COG3: variants seen among roughly 807,000 people sequenced by gnomAD.
The protein encoded by COG3 is conserved oligomeric Golgi complex subunit 3.
A neutral mutation model predicts 114.1 loss-of-function variants in COG3; 32 were observed. The ratio of observed to expected loss-of-function variants is 0.28; its 90% CI spans 0.21 to 0.38. COG3 has a LOEUF of 0.38. COG3 is among the 10% of genes least tolerant of loss of function. COG3 has a pLI of 1.00. For synonymous variants in COG3, 352 were observed against 365.7 expected (o/e 0.96, Z 0.43); for missense variants, 813 against 973.2 (o/e 0.84, Z 2.19).
intron 20 of COG3, among the ~76,000 whole-genome samples, chr13:45,529,113 T>C (rs968195884): frequency 7.2e-5 from 11 of 152,176 alleles, no homozygotes; most frequent in African/African-American, 2.4e-4. Flanking sequence ...TTCATTTACA[T>C]TTATTTATGA....
At chr13:45,490,461 A>G (rs1193027944) in intron 8 of COG3, among the ~76,000 whole-genome samples, 1 of 152,164 alleles carries the variant, frequency 6.6e-6, no homozygotes, top group Non-Finnish European at 1.5e-5. Context: ...GATTCTTCAG[A>G]AACAACCTAG....
chr13:45,519,133 A>T (rs1237449851), intron 19 of COG3, 39 bp downstream of exon 19: 1 of 1,605,930 alleles, frequency 6.2e-7, no homozygotes, highest in Non-Finnish European at 8.5e-7. Flanking sequence ...GTCATTTTGC[A>T]TTCTTCCTTA....
At chr13:45,467,516 C>T (rs61953474) in intron 1 of COG3, among the ~76,000 whole-genome samples, 96,377 of 151,450 alleles carry the variant, frequency 0.64, 31,486 homozygotes, top group African/African-American at 0.79. Flanking sequence ...CACTTGAACC[C>T]AGAAGGCAGA....
intron 8 of COG3, among the ~76,000 whole-genome samples, chr13:45,489,322 A>G (rs536738221): frequency 6.8e-6 from 1 of 147,468 alleles, no homozygotes; most frequent in East Asian, 2.0e-4. Flanking sequence ...AATGGGAGAA[A>G]CTTAGTTTTG....
intron 19 of COG3, among the ~76,000 whole-genome samples, chr13:45,522,494 A>T (rs57765969): frequency 0.065 from 9,943 of 152,196 alleles, 836 homozygotes; most frequent in African/African-American, 0.2. Context: ...ACCTGGAGTA[A>T]GAGAAGCATC....
chr13:45,475,219 T>A (rs1328899300), intron 1 of COG3, among the ~76,000 whole-genome samples: 1 of 152,108 alleles, frequency 6.6e-6, no homozygotes, highest in Non-Finnish European at 1.5e-5. Context: ...TTATTTATTT[T>A]TTTAGACAGG....
In COG3 at chr13:45,534,433, T is replaced by G. The variant is rs770417093; in HGVS notation, c.2458-269T>G. On this transcript the variant is annotated intron_variant, in intron 22 of 22. Transcript: ENST00000349995. ...TGGGCCAGTTTCTACTTTATAGCCA[T>G]GTTTACTGGTCTCATAAAAATCTTG... The G allele has an allele frequency of 5.9e-5, 19 of 319,606 alleles. 1 individual carries two copies. Among genetic ancestry groups the G allele is most frequent in the Non-Finnish European group, 1.1e-4 (19 of 176,672 alleles). 19.8% of individuals were successfully genotyped at this position (319,606 alleles called of 1,614,324 possible).
At chr13:45,522,902 C>A (rs947228320) in intron 19 of COG3, among the ~76,000 whole-genome samples, 2 of 152,182 alleles carry the variant, frequency 1.3e-5, no homozygotes, top group African/African-American at 4.8e-5. Flanking sequence ...TAGTAGAAAG[C>A]AAGAACTTTG....
chr13:45,496,516 G>A (rs559598594), intron 13 of COG3, among the ~76,000 whole-genome samples: 4 of 152,122 alleles, frequency 2.6e-5, no homozygotes, highest in African/African-American at 7.2e-5. Context: ...ACTGTGCCTA[G>A]CCTAGATGTT....
rs1268706969 is a variant in COG3 at position 45,519,108 on chromosome 13, T to C, written c.2154+14T>C. ...TTCATGACAAAGGTATAGACCTTGG[T>C]GCCTATGTGGTAAAGTCATTTTGCA... On this transcript the variant is annotated intron_variant, in intron 19 of 22. Coordinates refer to ENST00000349995, the MANE Select transcript of COG3 (RefSeq NM_031431.4). 1.9e-6 allele frequency: 3 copies of C among 1,612,516 alleles called. No homozygotes were observed. The highest frequency in any genetic ancestry group is 2.5e-6 in the Non-Finnish European group (3 of 1,179,660).
intron 16 of COG3, among the ~76,000 whole-genome samples, chr13:45,513,472 A>G (rs1297886563): frequency 2.5e-4 from 12 of 47,134 alleles, no homozygotes; most frequent in African/African-American, 1.3e-3. Context: ...ATACATATAA[A>G]TTATATATAT....
intron 5 of COG3, 46 bp from the exon 6 acceptor site, chr13:45,482,335 T>A (rs755852588): frequency 1.0e-6 from 1 of 986,582 alleles, no homozygotes; most frequent in Non-Finnish European, 1.6e-6. Flanking sequence ...AACTTTTATC[T>A]GTATCATTTT....
intron 8 of COG3, among the ~76,000 whole-genome samples, chr13:45,487,289 T>C (rs1886727105): frequency 6.6e-6 from 1 of 152,124 alleles, no homozygotes; most frequent in East Asian, 1.9e-4. Flanking sequence ...ATAAAACTAC[T>C]AGAAGAAAAC....
At position 45,519,102 on chromosome 13, in the gene COG3, C is replaced by T. The variant is rs1333688147; in HGVS notation, c.2154+8C>T. On this transcript the variant is annotated splice_region_variant and intron_variant, in intron 19 of 22. Coordinates refer to ENST00000349995, the MANE Select transcript of COG3 (RefSeq NM_031431.4). Reference sequence around the variant, plus strand: ...GAGGAGTTCATGACAAAGGTATAGACCTTGGTGCCTATGTGGTAAAGTCAT... The same window carrying T: ...GAGGAGTTCATGACAAAGGTATAGATCTTGGTGCCTATGTGGTAAAGTCAT... 1 of 1,613,040 alleles carries T rather than the reference C, an allele frequency of 6.2e-7. No homozygotes were observed. The highest frequency in any genetic ancestry group is 8.5e-7 in the Non-Finnish European group (1 of 1,179,768).
At position 45,465,136 on chromosome 13, in the gene COG3, C is replaced by T. The variant is rs900671515; in HGVS notation, c.100C>T (p.Pro34Ser). ...GGATCGGAGACCGGACACGACGGCG[C>T]CGCTGACCGACAGGCAGACGGACTC... is the stretch of plus-strand genomic sequence containing the variant. The part of the protein sequence containing the change: ...LWDRRPDTTA[P>S]LTDRQTDSVL... Residue 34 changes from proline (P) to serine (S), a missense_variant, in exon 1 of 23, where the codon CCG (proline) becomes TCG (serine). Transcript: ENST00000349995. 1.2e-5 allele frequency: 20 copies of T among 1,613,584 alleles called. No homozygotes were observed. The highest frequency in any genetic ancestry group is 1.7e-5 in the Non-Finnish European group (20 of 1,179,900).
At chr13:45,503,124 T>A (rs1869723252) in intron 13 of COG3, 120 bp from the exon 14 acceptor site, 1 of 468,502 alleles carries the variant, frequency 2.1e-6, no homozygotes, top group Non-Finnish European at 3.8e-6. Context: ...CAGTCTTAAA[T>A]CTGAATAGTT....
At chr13:45,467,413 G>A (rs1421963703) in intron 1 of COG3, among the ~76,000 whole-genome samples, 5 of 152,224 alleles carry the variant, frequency 3.3e-5, no homozygotes, top group Admixed American at 3.3e-4. Context: ...CCAACATGGC[G>A]AAACACCATC....
At chr13:45,527,652 A>G (rs1872807867) in intron 20 of COG3, among the ~76,000 whole-genome samples, 1 of 152,066 alleles carries the variant, frequency 6.6e-6, no homozygotes, top group Non-Finnish European at 1.5e-5. Flanking sequence ...ATAAATTAGG[A>G]TGCCCATTTG....
At chr13:45,484,608 A>ATTTT (rs769082923) in intron 7 of COG3, among the ~76,000 whole-genome samples, 1,509 of 47,038 alleles carry the variant, frequency 0.032, 11 homozygotes, top group Middle Eastern at 0.075. Flanking sequence ...TTATTTATTT[A>ATTTT]TTTATTTTTT....
Sources: gnomAD v4.1 joint callset for allele counts (sites outside exome capture counted in the v4.1 genomes callset) on GRCh38, gnomAD v4.1.1 for gene constraint, MANE v1.5 for transcripts, NCBI Gene and HGNC (gene_info 2026-07-23, HGNC 2026-07-21) for gene names.